Variants in CNKSR2 observed in about 807,000 individuals in gnomAD.
CNKSR2 encodes CNK homolog protein 2.
CNKSR2 carries 14 observed loss-of-function variants against 84.4 expected under a neutral mutation model. That is an observed-to-expected ratio of 0.17 (90% CI 0.11 to 0.26). The LOEUF (loss-of-function observed/expected upper bound fraction) is 0.26. CNKSR2 is among the 10% of genes least tolerant of loss of function. The probability of loss-of-function intolerance (pLI) is 1.00; values close to 1 mark genes in which losing one functional copy is unlikely to be tolerated. For missense variants in CNKSR2, 485 were observed against 771.2 expected, an observed-to-expected ratio of 0.63 and a Z score of 4.40; for synonymous variants, 275 against 277.9, an observed-to-expected ratio of 0.99 and a Z score of 0.10.
At chrX:21,468,965 T>C (rs1224582443) in intron 4 of CNKSR2, among the ~76,000 whole-genome samples, 2 of 112,085 alleles carry the variant, frequency 1.8e-5, no homozygotes, top group East Asian at 5.6e-4. Flanking sequence ...ATATGATTAC[T>C]GAAAACAGTT....
At chrX:21,492,070 TGAG>T (rs2091448209) in intron 6 of CNKSR2, 1 of 111,268 alleles carries the variant, frequency 9.0e-6, no homozygotes, top group Non-Finnish European at 1.9e-5. Flanking sequence ...GTGAGGGAGA[TGAG>T]GAGATCATCT....
At chrX:21,380,331 C>A (rs1306291841) in intron 1 of CNKSR2, among the ~76,000 whole-genome samples, 1 of 109,557 alleles carries the variant, frequency 9.1e-6, no homozygotes, top group Non-Finnish European at 1.9e-5. Flanking sequence ...GAACCAAGTT[C>A]TTATATGAAG....
At chrX:21,587,654 A>T (rs2092396663) in intron 13 of CNKSR2, among the ~76,000 whole-genome samples, 1 of 112,313 alleles carries the variant, frequency 8.9e-6, no homozygotes, top group Non-Finnish European at 1.9e-5. Flanking sequence ...GCTAGAAAAG[A>T]TGATACAGGA....
rs143071914 is a variant in CNKSR2, at chrX:21,599,896, A to G, written c.1977-1386A>G. Among the ~76,000 whole-genome samples the G allele has an allele frequency of 3.8e-3, 425 of 110,961 alleles. 7 individuals are homozygous for G. Among genetic ancestry groups the G allele is most frequent in the African/African-American group, 0.013 (394 of 30,487 alleles). On this transcript the variant is annotated intron_variant, in intron 17 of 21. Transcript: ENST00000379510. ...TAATGATTAGAGTCATTTTTAAAAC[A>G]TTGTCATGAAGTTTACTTCTTGATT...
Position 21,631,878 on chromosome X carries a change from T to C in CNKSR2, c.2693-16953T>C, listed in dbSNP as rs185025119. On this transcript the variant is annotated intron_variant, in intron 20 of 21. Transcript: ENST00000379510. ...AATTATTATTACCGAGCTAACATGC[T>C]AAATTGGTTTGCCTTCAAAATGTTA... is the stretch of plus-strand genomic sequence containing the variant. 3.6e-5 allele frequency among the ~76,000 whole-genome samples: 4 copies of C among 112,185 alleles called. No homozygotes were observed. In the East Asian group the frequency reaches 1.1e-3, roughly 31 times the overall value.
chrX:21,409,212 AT>A (rs1386972594), intron 1 of CNKSR2, among the ~76,000 whole-genome samples: 1 of 93,207 alleles, frequency 1.1e-5, no homozygotes, highest in African/African-American at 3.8e-5. Context: ...AAAACCTTAC[AT>A]AAAAAATGAA....
At position 21,654,276 on chromosome X, in the gene CNKSR2, A is replaced by AAAC. The variant is rs1415333068; in HGVS notation, c.*1757_*1758insCAA. ...ATTTGTGGGATTTTGTATATGTAAA[A>AAAC]AAAAAAAAAAAAAAAAAACAAAAAA... On this transcript the variant is annotated 3_prime_UTR_variant, in exon 22 of 22. Transcript: ENST00000379510. 2 of 105,067 alleles carry AAAC rather than the reference A, an allele frequency of 1.9e-5. 1 individual carries two copies. The highest frequency in any genetic ancestry group is 6.8e-5 in the African/African-American group (2 of 29,294). The allele number at this position is 105,067 out of a possible 1,213,427, so 8.7% of individuals were successfully genotyped here.
At chrX:21,388,533 A>G (rs1258881870) in intron 1 of CNKSR2, among the ~76,000 whole-genome samples, 2 of 112,316 alleles carry the variant, frequency 1.8e-5, no homozygotes, top group Non-Finnish European at 3.8e-5. Flanking sequence ...TGATGAGGGC[A>G]TGTAAAAGAC....
At chrX:21,607,716 A>G (rs954303056) in intron 19 of CNKSR2, among the ~76,000 whole-genome samples, 1 of 110,791 alleles carries the variant, frequency 9.0e-6, no homozygotes, top group Admixed American at 9.6e-5. Flanking sequence ...AGGCACAAGA[A>G]TCGCTTGAAC....
chrX:21,573,492 A>G (rs1267108346), intron 13 of CNKSR2, among the ~76,000 whole-genome samples: 6 of 112,166 alleles, frequency 5.3e-5, no homozygotes, highest in African/African-American at 1.9e-4. Flanking sequence ...CTGCCTAGAC[A>G]CCCAGGCATT....
intron 4 of CNKSR2, 102 bp from the exon 5 acceptor site, chrX:21,470,664 G>A (rs1014432130): frequency 1.3e-5 from 5 of 379,280 alleles, no homozygotes; most frequent in Middle Eastern, 8.4e-4. Context: ...GCTTTTACTT[G>A]AATTGTTAAG....
At chrX:21,481,196 C>T (rs2091315792) in intron 5 of CNKSR2, among the ~76,000 whole-genome samples, 1 of 111,558 alleles carries the variant, frequency 9.0e-6, no homozygotes, top group Admixed American at 9.5e-5. Context: ...CCTCACTATA[C>T]AGTGAGATCG....
chrX:21,374,611 CAGCAGCAGCAGCAGCA>C lies in CNKSR2; in HGVS notation c.-286_-271del, dbSNP rs2089772272. 4.0e-6 allele frequency: 2 copies of C among 502,306 alleles called. No homozygotes were observed. The highest frequency in any genetic ancestry group is 7.0e-6 in the Non-Finnish European group (2 of 286,418). The allele number at this position is 502,306 out of a possible 1,213,427, so 41.4% of individuals were successfully genotyped here. ...GCGGCGGAGGCAGCAGCAGCAGCAG[CAGCAGCAGCAGCAGCA>C]GCAGCCGCCGCCGCCGCCGCCTTAG... On this transcript the variant is annotated 5_prime_UTR_variant, in exon 1 of 22. Transcript: ENST00000379510.
chrX:21,632,988 TATACACAC>T (rs1282309886), intron 20 of CNKSR2, among the ~76,000 whole-genome samples: 1 of 96,822 alleles, frequency 1.0e-5, no homozygotes, highest in African/African-American at 4.1e-5. Context: ...ACTTATATAA[TATACACAC>T]ACACACACAC....
chrX:21,574,003 C>A (rs779853030), intron 13 of CNKSR2, among the ~76,000 whole-genome samples: 1 of 111,190 alleles, frequency 9.0e-6, no homozygotes, highest in African/African-American at 3.3e-5. Flanking sequence ...TCACCAGATA[C>A]CCTAAATCAT....
intron 9 of CNKSR2, among the ~76,000 whole-genome samples, chrX:21,519,972 C>T (rs1431364853): frequency 9.0e-5 from 10 of 111,163 alleles, no homozygotes; most frequent in East Asian, 8.5e-4. Flanking sequence ...AAGAATACCA[C>T]GTTTTAATTA....
At chrX:21,635,406 GTGTA>G (rs1569286598) in intron 20 of CNKSR2, among the ~76,000 whole-genome samples, 1 of 98,527 alleles carries the variant, frequency 1.0e-5, no homozygotes, top group Non-Finnish European at 2.0e-5. Flanking sequence ...GTGTGTGTGT[GTGTA>G]TATATACACA....
chrX:21,549,183 A>G (rs920251460), intron 11 of CNKSR2, among the ~76,000 whole-genome samples: 2 of 112,530 alleles, frequency 1.8e-5, no homozygotes, highest in Non-Finnish European at 3.7e-5. Context: ...CCATCGTCTC[A>G]GTCCAAAATT....
At chrX:21,464,618 C>A (rs904538178) in intron 4 of CNKSR2, among the ~76,000 whole-genome samples, 1 of 111,264 alleles carries the variant, frequency 9.0e-6, no homozygotes, top group African/African-American at 3.3e-5. Flanking sequence ...TCTTAAGGGG[C>A]TATGAAGAAT....
Sources: gnomAD v4.1 joint callset for allele counts (sites outside exome capture counted in the v4.1 genomes callset) on GRCh38, gnomAD v4.1.1 for gene constraint, MANE v1.5 for transcripts, NCBI Gene and HGNC (gene_info 2026-07-23, HGNC 2026-07-21) for gene names.